Variants in CPXM2 observed in about 807,000 individuals in gnomAD.
CPXM2 encodes carboxypeptidase X, M14 family member 2, also known as inactive carboxypeptidase-like protein X2.
A neutral mutation model predicts 86.1 loss-of-function variants in CPXM2; 66 were observed. The ratio of observed to expected loss-of-function variants is 0.77; its 90% CI spans 0.63 to 0.94. The LOEUF is 0.94. CPXM2 is among the 40% of genes least tolerant of loss of function. CPXM2 has a pLI of 0.00. For synonymous variants in CPXM2, 388 were observed against 400.2 expected (o/e 0.97, Z 0.36); for missense variants, 948 against 1,026.3 (o/e 0.92, Z 1.04).
chr10:123,857,557 TGGAGATGGAAGGC>T lies in CPXM2; in HGVS notation c.513+5044_513+5056del, dbSNP rs1564800534. On this transcript the variant is annotated intron_variant, in intron 3 of 13. Coordinates refer to ENST00000241305, the MANE Select transcript of CPXM2 (RefSeq NM_198148.3). ...GTGATGCCAGCGATGGAAGGCGGCG[TGGAGATGGAAGGC>T]GGCGTGGAGATGGAAGGCGGCGTGG... Among the ~76,000 whole-genome samples the T allele has an allele frequency of 9.8e-5, 12 of 122,840 alleles. No individual in the cohort carries two copies. In the East Asian group the frequency reaches 2.9e-3, roughly 30 times the overall value. 80.6% of individuals were successfully genotyped at this position (122,840 alleles called of 152,430 possible).
intron 12 of CPXM2, among the ~76,000 whole-genome samples, chr10:123,756,471 G>GC (rs991196827): frequency 3.9e-5 from 6 of 152,142 alleles, no homozygotes; most frequent in African/African-American, 1.4e-4. Flanking sequence ...GGGCAGCAGA[G>GC]CCCAGCGGTA....
intron 3 of CPXM2, among the ~76,000 whole-genome samples, chr10:123,846,706 C>T (rs1848503528): frequency 6.6e-6 from 1 of 152,108 alleles, no homozygotes; most frequent in Non-Finnish European, 1.5e-5. Flanking sequence ...GTGAAGAAGA[C>T]CCAAGACAGT....
At chr10:123,936,147 T>G (rs534887912) in intron 2 of CPXM2, among the ~76,000 whole-genome samples, 70 of 3,394 alleles carry the variant, frequency 0.021, no homozygotes, top group Admixed American at 0.19. Context: ...AGCACTGTGC[T>G]TTACAGCTAT....
At chr10:123,782,646 G>A (rs541132372) in intron 6 of CPXM2, among the ~76,000 whole-genome samples, 20 of 152,262 alleles carry the variant, frequency 1.3e-4, no homozygotes, top group African/African-American at 3.9e-4. Flanking sequence ...AGTGAGGACC[G>A]AGCCCAGAGT....
In CPXM2 at chr10:123,884,549, C is replaced by T. The variant is rs142410448; in HGVS notation, c.305-4240G>A. Reference sequence around the variant, plus strand: ...AGTGGGTCCTGAAGGGCGAGTTGAGCAGTGGACTGATGCGCTGGCTTCTAT... The same window carrying T: ...AGTGGGTCCTGAAGGGCGAGTTGAGTAGTGGACTGATGCGCTGGCTTCTAT... On this transcript the variant is annotated intron_variant, in intron 1 of 13. Coordinates refer to ENST00000241305, the MANE Select transcript of CPXM2 (RefSeq NM_198148.3). 2.2e-4 allele frequency among the ~76,000 whole-genome samples: 34 copies of T among 152,314 alleles called. No individual in the cohort carries two copies. The East Asian group carries it at 6.0e-3, about 27-fold the overall frequency.
intron 7 of CPXM2, chr10:123,777,551 G>C (rs1846823749): frequency 6.7e-6 from 1 of 149,322 alleles, no homozygotes; most frequent in Admixed American, 6.7e-5. Flanking sequence ...GAACCTCCCA[G>C]ACCCCTGCAT....
At chr10:123,787,068 C>G (rs56975826) in intron 6 of CPXM2, among the ~76,000 whole-genome samples, 6,946 of 152,244 alleles carry the variant, frequency 0.046, 500 homozygotes, top group African/African-American at 0.16. Flanking sequence ...ATTTGGGACT[C>G]AGGCCACAAT....
chr10:123,780,187 T>A lies in CPXM2; in HGVS notation c.958A>T (p.Asn320Tyr). Residue 320 changes from asparagine (N) to tyrosine (Y), a missense_variant, in exon 7 of 14, where the codon AAT becomes TAT. Transcript: ENST00000241305. ...TTDDLDFKHH[N>Y]YKEMRQLMKV... is the part of the protein sequence containing the mutation. ...CTTACCTGGCGCATTTCCTTATAATTGTGGTGCTTAAAATCCAGGTCATCA... is the reference window on the plus strand; with the variant it reads ...CTTACCTGGCGCATTTCCTTATAATAGTGGTGCTTAAAATCCAGGTCATCA... 6.2e-7 allele frequency: 1 copy of A among 1,608,296 alleles called. No individual in the cohort carries two copies. The highest frequency in any genetic ancestry group is 8.5e-7 in the Non-Finnish European group (1 of 1,174,670).
chr10:123,927,925 A>G (rs1488727132), intron 2 of CPXM2, among the ~76,000 whole-genome samples: 1 of 151,942 alleles, frequency 6.6e-6, no homozygotes, highest in Non-Finnish European at 1.5e-5. Flanking sequence ...GGTACCAGGC[A>G]CTTCCATTCT....
In CPXM2 at chr10:123,797,984, G is replaced by A; in HGVS notation, c.881C>T (p.Pro294Leu). 1.2e-6 allele frequency: 2 copies of A among 1,601,352 alleles called. No homozygotes were observed. Among genetic ancestry groups the A allele is most frequent in the South Asian group, 1.1e-5 (1 of 88,546 alleles). ...CAGGAGGGTGAACTCACCTGGCAGTGGGCAGCCCAGGATCTCCATTCTCAT... is the reference window on the plus strand; with the variant it reads ...CAGGAGGGTGAACTCACCTGGCAGTAGGCAGCCCAGGATCTCCATTCTCAT... ...ICMRMEILGC[P>L]LPDPNNYYHR... is the part of the protein sequence containing the mutation. The change falls in exon 6 of 14, where the codon CCA (proline) becomes CTA (leucine). Residue 294 changes from proline to leucine, a missense_variant. Pro to Leu is a moderately conservative substitution (Grantham distance 98). Transcript: ENST00000241305.
chr10:123,847,809 T>C (rs1848527671), intron 3 of CPXM2, among the ~76,000 whole-genome samples: 1 of 152,230 alleles, frequency 6.6e-6, no homozygotes, highest in South Asian at 2.1e-4. Context: ...CTAGGTATTA[T>C]GCAAAGGGCT....
Position 123,891,805 on chromosome 10 carries a change from T to C in CPXM2, c.-146A>G. On this transcript the variant is annotated 5_prime_UTR_variant, in exon 1 of 14. Coordinates refer to ENST00000241305, the MANE Select transcript of CPXM2 (RefSeq NM_198148.3). The surrounding 1 kb of genome is among the most constrained non-coding windows in gnomAD (Gnocchi z 5.6). ...CGGGAGGCGGCCGGCTGGCTGCGCGTGTGACCGGCCCGCGGGGCTGGGCTG... is the reference window on the plus strand; with the variant it reads ...CGGGAGGCGGCCGGCTGGCTGCGCGCGTGACCGGCCCGCGGGGCTGGGCTG... 1 of 355,656 alleles carries C rather than the reference T, an allele frequency of 2.8e-6. No individual in the cohort carries two copies. Among genetic ancestry groups the C allele is most frequent in the Non-Finnish European group, 4.2e-6 (1 of 237,688 alleles). 22.0% of individuals were successfully genotyped at this position (355,656 alleles called of 1,614,324 possible).
chr10:123,857,601 G>GAAGGCGGCGTGGAGATGA (rs1848757239), intron 3 of CPXM2, among the ~76,000 whole-genome samples: 1 of 141,704 alleles, frequency 7.1e-6, no homozygotes, highest in Non-Finnish European at 1.6e-5. Context: ...CGTGGAGATG[G>GAAGGCGGCGTGGAGATGA]AAGGCGGCGT....
At chr10:123,881,373 T>C (rs555174224) in intron 1 of CPXM2, among the ~76,000 whole-genome samples, 1 of 151,760 alleles carries the variant, frequency 6.6e-6, no homozygotes, top group South Asian at 2.1e-4. Context: ...TTGATGGAAG[T>C]TGATAGCACC....
chr10:123,782,557 T>A (rs957247338), intron 6 of CPXM2, among the ~76,000 whole-genome samples: 20 of 152,200 alleles, frequency 1.3e-4, no homozygotes, highest in Non-Finnish European at 2.4e-4. Flanking sequence ...AATACTCCCT[T>A]ACTTGTCCAT....
upstream of CPXM2, among the ~76,000 whole-genome samples, chr10:123,896,885 C>A (rs530171133): frequency 1.3e-5 from 2 of 152,232 alleles, no homozygotes; most frequent in Non-Finnish European, 2.9e-5. Context: ...TCTCTGTTTG[C>A]ACTGCCTCTG....
chr10:123,800,636 A>G (rs966594929), intron 4 of CPXM2, among the ~76,000 whole-genome samples: 1 of 152,048 alleles, frequency 6.6e-6, no homozygotes, highest in Non-Finnish European at 1.5e-5. Flanking sequence ...GCCGAGAGAG[A>G]GGTGATGAAT....
intron 1 of CPXM2, among the ~76,000 whole-genome samples, chr10:123,888,075 A>C (rs762745427): frequency 3.9e-5 from 6 of 152,146 alleles, no homozygotes; most frequent in Non-Finnish European, 7.4e-5. Context: ...GGTGGTGCGA[A>C]AGAACAGCCA....
intron 13 of CPXM2, among the ~76,000 whole-genome samples, chr10:123,753,444 C>G (rs1846125746): frequency 6.6e-6 from 1 of 152,194 alleles, no homozygotes; most frequent in Admixed American, 6.5e-5. Context: ...TCCAGCCCAC[C>G]TGGGGGTCAG....
Sources: gnomAD v4.1 joint callset for allele counts (sites outside exome capture counted in the v4.1 genomes callset) on GRCh38, gnomAD v4.1.1 for gene constraint, Gnocchi (gnomAD v3.1) non-coding constraint, MANE v1.5 for transcripts, NCBI Gene and HGNC (gene_info 2026-07-23, HGNC 2026-07-21) for gene names.